Variants in ZNF385B observed in about 807,000 individuals in gnomAD.
ZNF385B encodes the protein zinc finger protein 385B.
A neutral mutation model predicts 39.2 loss-of-function variants in ZNF385B; 23 were observed. That is an observed-to-expected ratio of 0.59 (90% CI 0.42 to 0.83). The LOEUF (loss-of-function observed/expected upper bound fraction) is 0.83. Among genes scored for constraint, ZNF385B ranks in the 40% least tolerant of loss-of-function variants. ZNF385B has a pLI of 0.00. For missense variants in ZNF385B, 552 were observed against 598.9 expected, an observed-to-expected ratio of 0.92 and a Z score of 0.82; for synonymous variants, 205 against 222.6, an observed-to-expected ratio of 0.92 and a Z score of 0.70.
intron 1 of ZNF385B, among the ~76,000 whole-genome samples, chr2:179,819,198 G>A (rs920741608): frequency 2.6e-5 from 4 of 151,918 alleles, no homozygotes; most frequent in Non-Finnish European, 2.9e-5. Flanking sequence ...TTCCTGCTCT[G>A]GCCCTGTGAG....
intron 1 of ZNF385B, among the ~76,000 whole-genome samples, chr2:179,807,043 A>C (rs1315715988): frequency 6.6e-6 from 1 of 152,228 alleles, no homozygotes; most frequent in Non-Finnish European, 1.5e-5. Context: ...TTAATGACAG[A>C]GCAGTTTCAC....
chr2:179,612,058 T>C (rs1689332239), intron 3 of ZNF385B, among the ~76,000 whole-genome samples: 1 of 152,216 alleles, frequency 6.6e-6, no homozygotes, highest in Non-Finnish European at 1.5e-5. Context: ...AATTCCAGAA[T>C]TTCTGATTCT....
At chr2:179,585,552 C>T (rs904388143) in intron 3 of ZNF385B, among the ~76,000 whole-genome samples, 2 of 152,192 alleles carry the variant, frequency 1.3e-5, no homozygotes, top group Non-Finnish European at 2.9e-5. Context: ...GAATTCAAAA[C>T]AATATGCCAT....
At chr2:179,807,763 C>T (rs1467308493) in intron 1 of ZNF385B, among the ~76,000 whole-genome samples, 1 of 151,572 alleles carries the variant, frequency 6.6e-6, no homozygotes, top group Non-Finnish European at 1.5e-5. Context: ...GGCGTGGTGG[C>T]AGGCGCCTGT....
chr2:179,507,422 C>T (rs969785697), intron 5 of ZNF385B, among the ~76,000 whole-genome samples: 11 of 152,150 alleles, frequency 7.2e-5, no homozygotes, highest in African/African-American at 2.4e-4. Flanking sequence ...CCACCAGGAA[C>T]CTTTGTGCAA....
In ZNF385B at chr2:179,861,569, G is replaced by C. The variant is rs1271641204; in HGVS notation, c.-623C>G. On this transcript the variant is annotated 5_prime_UTR_variant, in exon 1 of 10. Coordinates refer to ENST00000410066, the MANE Select transcript of ZNF385B (RefSeq NM_152520.6). ...TAAGCAGAGACTTGCGAGGCACACA[G>C]AGAGGGAATGAGGCGGAACCGTTCG... The C allele has an allele frequency of 1.3e-5, 2 of 152,252 alleles. No individual in the cohort carries two copies. The highest frequency in any genetic ancestry group is 4.8e-5 in the African/African-American group (2 of 41,476). The allele number at this position is 152,252 out of a possible 1,614,324, so 9.4% of individuals were successfully genotyped here.
intron 1 of ZNF385B, among the ~76,000 whole-genome samples, chr2:179,800,238 T>C (rs1469952427): frequency 6.6e-6 from 1 of 152,052 alleles, no homozygotes; most frequent in African/African-American, 2.4e-5. Context: ...TTTTTGAAAA[T>C]ATTTTAAACA....
intron 1 of ZNF385B, among the ~76,000 whole-genome samples, chr2:179,851,085 G>A (rs1684105488): frequency 2.6e-5 from 4 of 152,146 alleles, no homozygotes; most frequent in Non-Finnish European, 5.9e-5. Context: ...TTTCTGAGTA[G>A]GTCAACCTTT....
chr2:179,679,832 T>G (rs2106323144), intron 3 of ZNF385B, among the ~76,000 whole-genome samples: 1 of 152,276 alleles, frequency 6.6e-6, no homozygotes, highest in Middle Eastern at 3.4e-3. Flanking sequence ...ACTGACTGTT[T>G]ATGTTTCTTA....
chr2:179,546,778 C>T (rs1199551877), intron 3 of ZNF385B, among the ~76,000 whole-genome samples: 1 of 135,436 alleles, frequency 7.4e-6, no homozygotes, highest in Non-Finnish European at 1.6e-5. Context: ...GGTAGCCCAA[C>T]TTTTAGTTTT....
chr2:179,731,918 T>C (rs1263562554), intron 3 of ZNF385B, among the ~76,000 whole-genome samples: 3 of 152,180 alleles, frequency 2.0e-5, no homozygotes, highest in Non-Finnish European at 4.4e-5. Context: ...TCTTATTTCT[T>C]GACAGTCCCA....
At chr2:179,676,832 A>G (rs968272286) in intron 3 of ZNF385B, among the ~76,000 whole-genome samples, 1 of 152,202 alleles carries the variant, frequency 6.6e-6, no homozygotes, top group South Asian at 2.1e-4. Context: ...GTATCTAATG[A>G]GTAGAGGCCA....
At chr2:179,460,692 C>T (rs2051234218) in intron 6 of ZNF385B, among the ~76,000 whole-genome samples, 1 of 152,094 alleles carries the variant, frequency 6.6e-6, no homozygotes, top group East Asian at 1.9e-4. Flanking sequence ...CCACTCAGAC[C>T]CATGACTCAT....
chr2:179,521,438 G>A (rs1384332999), intron 4 of ZNF385B, among the ~76,000 whole-genome samples: 13 of 147,386 alleles, frequency 8.8e-5, no homozygotes, highest in African/African-American at 3.3e-4. Context: ...GACCTCAGGC[G>A]ATCCGCCTGA....
At chr2:179,520,182 A>T (rs2058382124) in intron 4 of ZNF385B, among the ~76,000 whole-genome samples, 1 of 151,928 alleles carries the variant, frequency 6.6e-6, no homozygotes. Context: ...AAAAAAAAAA[A>T]TGCTAAGAGG....
At chr2:179,859,768 CAG>C (rs1684893205) in intron 1 of ZNF385B, among the ~76,000 whole-genome samples, 1 of 152,152 alleles carries the variant, frequency 6.6e-6, no homozygotes, top group East Asian at 1.9e-4. Flanking sequence ...CCTCAAGTAA[CAG>C]AACTTGCAAT....
chr2:179,653,653 A>T (rs924842597), intron 3 of ZNF385B, among the ~76,000 whole-genome samples: 3 of 152,194 alleles, frequency 2.0e-5, no homozygotes, highest in Non-Finnish European at 2.9e-5. Context: ...CTGCTACTTT[A>T]TAAGAGACAT....
intron 4 of ZNF385B, among the ~76,000 whole-genome samples, chr2:179,520,880 C>T (rs2058438562): frequency 6.6e-6 from 1 of 152,102 alleles, no homozygotes; most frequent in African/African-American, 2.4e-5. Flanking sequence ...TACACTTAAA[C>T]AATAAATCAT....
intron 6 of ZNF385B, among the ~76,000 whole-genome samples, chr2:179,473,072 A>C (rs758129024): frequency 6.6e-6 from 1 of 152,186 alleles, no homozygotes; most frequent in Non-Finnish European, 1.5e-5. Context: ...CTACTATGAA[A>C]GAATAGAGTG....
Sources: gnomAD v4.1 joint callset for allele counts (sites outside exome capture counted in the v4.1 genomes callset) on GRCh38, gnomAD v4.1.1 for gene constraint, MANE v1.5 for transcripts, NCBI Gene and HGNC (gene_info 2026-07-23, HGNC 2026-07-21) for gene names.